NALF1: variants seen among roughly 807,000 people sequenced by gnomAD.
The protein encoded by NALF1 is NALCN channel auxiliary factor 1.
Under a neutral mutation model 48.4 loss-of-function variants are expected in NALF1, and 3 were observed. The observed-to-expected ratio is 0.06, with a 90% CI of 0.03 to 0.16. The LOEUF is 0.16. Among genes scored for constraint, NALF1 ranks in the 10% least tolerant of loss-of-function variants. The probability of loss-of-function intolerance (pLI) is 1.00; values close to 1 mark genes in which losing one functional copy is unlikely to be tolerated. For synonymous variants in NALF1, 262 were observed against 245.7 expected, an observed-to-expected ratio of 1.07 and a Z score of -0.62; for missense variants, 526 against 571.5, an observed-to-expected ratio of 0.92 and a Z score of 0.81.
intron 1 of NALF1, among the ~76,000 whole-genome samples, chr13:107,480,233 C>T (rs1885234036): frequency 6.6e-6 from 1 of 152,116 alleles, no homozygotes; most frequent in African/African-American, 2.4e-5. Context: ...GTACCAAGAA[C>T]ACATAGCTAA....
At chr13:107,280,656 T>C (rs575912248) in intron 1 of NALF1, among the ~76,000 whole-genome samples, 1 of 152,344 alleles carries the variant, frequency 6.6e-6, no homozygotes, top group Non-Finnish European at 1.5e-5. Context: ...TTTACCTTTA[T>C]TTTCATGAAA....
chr13:107,606,352 ATATCT>A lies in NALF1; in HGVS notation c.915+259325_915+259329del, dbSNP rs566363064. On this transcript the variant is annotated intron_variant, in intron 1 of 2. Coordinates refer to ENST00000375915, the MANE Select transcript of NALF1 (RefSeq NM_001080396.3). The stretch of plus-strand genomic sequence containing the variant: ...TATATATGTATATACACACATATGT[ATATCT>A]TATTTATTTATATATATATATATTT... Among the ~76,000 whole-genome samples the A allele has an allele frequency of 4.2e-4, 62 of 145,908 alleles. No homozygotes were observed. In the South Asian group the frequency reaches 8.5e-3, roughly 20 times the overall value.
intron 1 of NALF1, among the ~76,000 whole-genome samples, chr13:107,709,296 T>C (rs1401969907): frequency 1.3e-5 from 2 of 152,190 alleles, no homozygotes; most frequent in Non-Finnish European, 2.9e-5. Flanking sequence ...ATAGTTAAAT[T>C]TTCTACGGCA....
At chr13:107,863,905 CT>C (rs1189119046) in intron 1 of NALF1, among the ~76,000 whole-genome samples, 2 of 152,084 alleles carry the variant, frequency 1.3e-5, no homozygotes, top group Non-Finnish European at 2.9e-5. Context: ...CTTTTAAATA[CT>C]GAGTTATACA....
At chr13:107,379,360 T>C (rs1883392290) in intron 1 of NALF1, among the ~76,000 whole-genome samples, 1 of 152,214 alleles carries the variant, frequency 6.6e-6, no homozygotes, top group Admixed American at 6.5e-5. Flanking sequence ...TTCTTATTGC[T>C]ATAGTAACTC....
At chr13:107,761,665 T>A (rs1024710264) in intron 1 of NALF1, among the ~76,000 whole-genome samples, 1 of 152,202 alleles carries the variant, frequency 6.6e-6, no homozygotes, top group African/African-American at 2.4e-5. Context: ...GATGGAAACA[T>A]TTAATGCCTA....
chr13:107,674,264 A>T (rs541323118), intron 1 of NALF1, among the ~76,000 whole-genome samples: 2 of 152,300 alleles, frequency 1.3e-5, no homozygotes, highest in South Asian at 4.1e-4. Flanking sequence ...GGGTGCACAC[A>T]TAACTTTTCC....
intron 1 of NALF1, among the ~76,000 whole-genome samples, chr13:107,528,349 T>G (rs905610450): frequency 6.6e-6 from 1 of 152,134 alleles, no homozygotes; most frequent in Admixed American, 6.6e-5. Flanking sequence ...AAAGCCTATA[T>G]AAATATATTC....
rs1407786972 is a variant in NALF1 at position 107,167,005 on chromosome 13, A to G, written c.*3492T>C. ...CTTTTTAATGCAAGAAAAGTTCAATATAACGTATCACCAAATGTAAATGCA... is the reference window on the plus strand; with the variant it reads ...CTTTTTAATGCAAGAAAAGTTCAATGTAACGTATCACCAAATGTAAATGCA... On this transcript the variant is annotated 3_prime_UTR_variant, in exon 3 of 3. Transcript: ENST00000375915. The G allele has an allele frequency of 1.3e-5, 2 of 152,234 alleles. No individual in the cohort carries two copies. Among genetic ancestry groups the G allele is most frequent in the Non-Finnish European group, 2.9e-5 (2 of 68,040 alleles). 9.4% of individuals were successfully genotyped at this position (152,234 alleles called of 1,614,324 possible).
intron 1 of NALF1, among the ~76,000 whole-genome samples, chr13:107,580,304 C>G (rs1415965877): frequency 6.6e-6 from 1 of 152,176 alleles, no homozygotes; most frequent in Non-Finnish European, 1.5e-5. Flanking sequence ...TCTTTTCAAA[C>G]ACCAAACTCC....
At chr13:107,661,437 G>T (rs1207402445) in intron 1 of NALF1, among the ~76,000 whole-genome samples, 1 of 152,144 alleles carries the variant, frequency 6.6e-6, no homozygotes, top group East Asian at 1.9e-4. Context: ...ACATATTCAA[G>T]GATGTAGAGA....
chr13:107,358,166 ATATG>A (rs1365552917), intron 1 of NALF1, among the ~76,000 whole-genome samples: 74 of 121,718 alleles, frequency 6.1e-4, no homozygotes, highest in South Asian at 1.4e-3. Flanking sequence ...TATACGTAAC[ATATG>A]TGTGTGTGTG....
At chr13:107,654,341 G>A (rs1389084461) in intron 1 of NALF1, among the ~76,000 whole-genome samples, 1 of 152,154 alleles carries the variant, frequency 6.6e-6, no homozygotes, top group Non-Finnish European at 1.5e-5. Context: ...GCTTAGCAAT[G>A]CCATTACTTT....
intron 1 of NALF1, among the ~76,000 whole-genome samples, chr13:107,259,837 C>T (rs2138853184): frequency 6.6e-6 from 1 of 152,292 alleles, no homozygotes; most frequent in Non-Finnish European, 1.5e-5. Context: ...TCCTCATCTT[C>T]AAGAGGTTTG....
chr13:107,167,808 G>GT lies in NALF1; in HGVS notation c.*2688dup, dbSNP rs1878697251. On this transcript the variant is annotated 3_prime_UTR_variant, in exon 3 of 3. Coordinates refer to ENST00000375915, the MANE Select transcript of NALF1 (RefSeq NM_001080396.3). ...GTACCTCTTATGTAAAGCAATGGTG[G>GT]TTTTAGTTTTCCACCTTTTGGTTGG... 6.6e-6 allele frequency: 1 copy of GT among 152,040 alleles called. No individual in the cohort carries two copies. The highest frequency in any genetic ancestry group is 1.5e-5 in the Non-Finnish European group (1 of 68,038). The allele number at this position is 152,040 out of a possible 1,614,324, so 9.4% of individuals were successfully genotyped here.
chr13:107,410,235 T>G (rs1283091190), intron 1 of NALF1, among the ~76,000 whole-genome samples: 1 of 152,202 alleles, frequency 6.6e-6, no homozygotes, highest in Non-Finnish European at 1.5e-5. Flanking sequence ...TTAAATTCTC[T>G]GTGGCAGCTG....
At chr13:107,702,162 G>T (rs1881837899) in intron 1 of NALF1, among the ~76,000 whole-genome samples, 1 of 152,108 alleles carries the variant, frequency 6.6e-6, no homozygotes. Flanking sequence ...GAACTTTGGT[G>T]TCAGATCTGA....
intron 1 of NALF1, among the ~76,000 whole-genome samples, chr13:107,256,827 T>C (rs976424117): frequency 2.0e-5 from 3 of 152,186 alleles, no homozygotes; most frequent in Non-Finnish European, 2.9e-5. Context: ...ATAAAGATTA[T>C]TGTATATTTC....
At chr13:107,629,624 T>TTTTGATAAACAATGTCAC (rs1879778789) in intron 1 of NALF1, among the ~76,000 whole-genome samples, 1 of 152,196 alleles carries the variant, frequency 6.6e-6, no homozygotes, top group South Asian at 2.1e-4. Flanking sequence ...CTCTTCTCAC[T>TTTTGATAAACAATGTCAC]TTTTATCTTG....
Sources: gnomAD v4.1 joint callset for allele counts (sites outside exome capture counted in the v4.1 genomes callset) on GRCh38, gnomAD v4.1.1 for gene constraint, MANE v1.5 for transcripts, NCBI Gene and HGNC (gene_info 2026-07-23, HGNC 2026-07-21) for gene names.